SPATA31E1: variants seen among roughly 807,000 people sequenced by gnomAD.
SPATA31E1 encodes SPATA31 subfamily E member 1.
SPATA31E1 carries 7 observed loss-of-function variants against 12.9 expected under a neutral mutation model. The ratio of observed to expected loss-of-function variants is 0.54; its 90% CI spans 0.31 to 1.02. The LOEUF (loss-of-function observed/expected upper bound fraction) is 1.02, where lower values mean the gene tolerates loss of function less well. SPATA31E1 is among the 50% of genes least tolerant of loss of function. The pLI, the probability that SPATA31E1 is intolerant of heterozygous loss-of-function variation, is 0.05. For missense variants in SPATA31E1, 1,961 were observed against 1,799.8 expected (o/e 1.09, Z -1.62); for synonymous variants, 771 against 719.0 (o/e 1.07, Z -1.16).
Position 87,888,251 on chromosome 9 carries a change from G to A in SPATA31E1, c.3764G>A (p.Gly1255Glu), listed in dbSNP as rs1828324078. The part of the protein sequence containing the change: ...RKYNQLQLEK[G>E]QTPPESHFQR... ...TACAACCAGCTTCAGCTGGAGAAGG[G>A]ACAGACACCACCAGAAAGCCACTTC... is the stretch of plus-strand genomic sequence containing the variant. The change falls in exon 4 of 4, where the codon GGA (glycine) becomes GAA (glutamate). Residue 1255 changes from glycine to glutamate, a missense_variant. Coordinates refer to ENST00000325643, the MANE Select transcript of SPATA31E1 (RefSeq NM_178828.5). 4 of 1,614,092 alleles carry A rather than the reference G, an allele frequency of 2.5e-6. No homozygotes were observed. In the East Asian group the frequency reaches 8.9e-5, roughly 36 times the overall value.
In SPATA31E1 at chr9:87,886,714, T is replaced by A. The variant is rs1214541515; in HGVS notation, c.2227T>A (p.Ser743Thr). ...DKEAEGDLRR[S>T]WKYQSVSSTP... ...GGAGGCAGAAGGTGACTTACGGAGG[T>A]CCTGGAAGTACCAATCAGTAAGTTC... is the stretch of plus-strand genomic sequence containing the variant. The change falls in exon 4 of 4, where the codon TCC (serine) becomes ACC (threonine). Residue 743 changes from serine to threonine, a missense_variant. By Grantham distance (58) the Ser-to-Thr change is moderately conservative. Transcript: ENST00000325643. 1 of 1,613,494 alleles carries A rather than the reference T, an allele frequency of 6.2e-7. No individual in the cohort carries two copies. Among genetic ancestry groups the A allele is most frequent in the Non-Finnish European group, 8.5e-7 (1 of 1,179,934 alleles).
intron 3 of SPATA31E1, 63 bp downstream of exon 3, chr9:87,884,714 C>A (rs913856940): frequency 6.3e-7 from 1 of 1,595,568 alleles, no homozygotes; most frequent in Non-Finnish European, 8.6e-7. Context: ...TGCAACCCTA[C>A]GGCCTGGTGG....
In SPATA31E1 at chr9:87,883,146, C is replaced by G; in HGVS notation, c.255C>G (p.Tyr85Ter). 6.3e-7 allele frequency: 1 copy of G among 1,596,110 alleles called. No individual in the cohort carries two copies. Among genetic ancestry groups the G allele is most frequent in the Non-Finnish European group, 8.5e-7 (1 of 1,169,952 alleles). Residue 85 changes from tyrosine to a stop codon, truncating the protein, a stop_gained, in exon 1 of 4, where the codon TAC (tyrosine) becomes TAG (stop). Transcript: ENST00000325643. LOFTEE classifies it high-confidence loss of function. ...GLVLLFLLLL[Y>*]VHSDPPSPPP... ...TGCTCCTCTTCCTATTGCTCCTCTA[C>G]GTCCACAGTGACCCACCCTCACCCC...
intron 3 of SPATA31E1, 28 bp downstream of exon 3, chr9:87,884,679 T>TC: frequency 6.2e-7 from 1 of 1,613,302 alleles, no homozygotes; most frequent in Non-Finnish European, 8.5e-7. Flanking sequence ...TCTGTCCCTG[T>TC]CCTCCTTCCT....
At position 87,885,849 on chromosome 9, in the gene SPATA31E1, A is replaced by G; in HGVS notation, c.1362A>G (p.Thr454=). 1 of 1,613,916 alleles carries G rather than the reference A, an allele frequency of 6.2e-7. No individual in the cohort carries two copies. Residue 454 remains threonine (T), a synonymous_variant, in exon 4 of 4, where the codon ACA becomes ACG. Coordinates refer to ENST00000325643, the MANE Select transcript of SPATA31E1 (RefSeq NM_178828.5). ...PSLNSESLAT[T]VWVSRNPSSQ... ...TCAATAGCGAGTCCCTGGCGACCAC[A>G]GTCTGGGTTTCTAGGAACCCTTCCT...
At position 87,886,501 on chromosome 9, in the gene SPATA31E1, C is replaced by G. The variant is rs375265482; in HGVS notation, c.2014C>G (p.Gln672Glu). Residue 672 changes from glutamine (Q) to glutamate (E), a missense_variant, in exon 4 of 4, where the codon CAG (glutamine) becomes GAG (glutamate). Physicochemically the swap from Gln to Glu is conservative, Grantham distance 29. Transcript: ENST00000325643. ...GRPQSQAEDT[Q>E]QALLPSQPSD... Reference sequence around the variant, plus strand: ...GCCCCAGAGTCAGGCAGAAGACACGCAGCAGGCCCTCTTGCCCTCCCAGCC... The same window carrying G: ...GCCCCAGAGTCAGGCAGAAGACACGGAGCAGGCCCTCTTGCCCTCCCAGCC... 2.9e-5 allele frequency: 46 copies of G among 1,613,670 alleles called. No individual in the cohort carries two copies. In the African/African-American group the frequency reaches 5.5e-4, roughly 19 times the overall value.
Position 87,886,865 on chromosome 9 carries a change from A to G in SPATA31E1, c.2378A>G (p.Lys793Arg). 3 of 1,614,158 alleles carry G rather than the reference A, an allele frequency of 1.9e-6. No homozygotes were observed. The highest frequency in any genetic ancestry group is 2.5e-6 in the Non-Finnish European group (3 of 1,180,032). ...MPVRRSWLMA[K>R]CAVPKSDTHR... ...GTGCGTCGCTCCTGGCTCATGGCCA[A>G]ATGTGCTGTTCCCAAGTCTGACACC... Residue 793 changes from lysine to arginine, a missense_variant, in exon 4 of 4, where the codon AAA becomes AGA. By Grantham distance (26) the Lys-to-Arg change is conservative. Transcript: ENST00000325643.
rs145329488 is a variant in SPATA31E1 at position 87,887,425 on chromosome 9, G to A, written c.2938G>A (p.Gly980Arg). Residue 980 changes from glycine (G) to arginine (R), a missense_variant, in exon 4 of 4, where the codon GGG (glycine) becomes AGG (arginine). By Grantham distance (125) the Gly-to-Arg change is moderately radical. Transcript: ENST00000325643. ...GCAGAGCAGGACTGTCCTGGAATCC[G>A]GGAAACCCAAACCCAGACTAGAGGG... The part of the protein sequence containing the change: ...TWQSRTVLES[G>R]KPKPRLEGSM... 1.5e-4 allele frequency: 248 copies of A among 1,613,802 alleles called. No individual in the cohort carries two copies. In the African/African-American group the frequency reaches 2.6e-3, roughly 17 times the overall value.
intron 2 of SPATA31E1, 151 bp downstream of exon 2, chr9:87,884,197 G>C (rs996578535): frequency 8.4e-6 from 9 of 1,070,958 alleles, no homozygotes; most frequent in Non-Finnish European, 1.2e-5. Context: ...ATGAAGCCAC[G>C]GGCCTGGGAC....
At chr9:87,883,475 G>A (rs1034667985) in intron 1 of SPATA31E1, among the ~76,000 whole-genome samples, 5 of 152,164 alleles carry the variant, frequency 3.3e-5, no homozygotes, top group Non-Finnish European at 7.4e-5. Context: ...GGGAGGAGAG[G>A]CCCCAGCCCT....
chr9:87,886,459 G>A lies in SPATA31E1; in HGVS notation c.1972G>A (p.Gly658Arg), dbSNP rs1828276043. ...QASGDLLQPD[G>R]EFPGRPQSQA... The stretch of plus-strand genomic sequence containing the variant: ...ATCTGGGGACCTGCTACAGCCTGAT[G>A]GGGAATTCCCAGGGAGGCCCCAGAG... Residue 658 changes from glycine to arginine, a missense_variant, in exon 4 of 4, where the codon GGG becomes AGG. By Grantham distance (125) the Gly-to-Arg change is moderately radical. Transcript: ENST00000325643. 6.2e-7 allele frequency: 1 copy of A among 1,613,942 alleles called. No homozygotes were observed. Among genetic ancestry groups the A allele is most frequent in the African/African-American group, 1.3e-5 (1 of 75,016 alleles).
Position 87,885,066 on chromosome 9 carries a change from T to A in SPATA31E1, c.579T>A (p.Ala193=), listed in dbSNP as rs1828240680. 1 of 1,613,876 alleles carries A rather than the reference T, an allele frequency of 6.2e-7. No individual in the cohort carries two copies. Among genetic ancestry groups the A allele is most frequent in the Non-Finnish European group, 8.5e-7 (1 of 1,179,950 alleles). ...DPSPASLSPP[A]PPAPLASTLS... ...CTCCTGCCAGCTTGTCCCCACCAGC[T>A]CCCCCAGCTCCTCTGGCCTCCACCC... The change falls in exon 4 of 4, where the codon GCT becomes GCA. Residue 193 remains alanine, a synonymous_variant. Transcript: ENST00000325643.
chr9:87,886,762 G>A lies in SPATA31E1; in HGVS notation c.2275G>A (p.Glu759Lys). The A allele has an allele frequency of 1.2e-6, 2 of 1,613,996 alleles. No individual in the cohort carries two copies. The highest frequency in any genetic ancestry group is 8.5e-7 in the Non-Finnish European group (1 of 1,180,028). ...TTCCACACCCAGGGACCCAGACAAG[G>A]AGCATCTGGAAAACAAGCTGCAAAT... Reference protein sequence around the residue: ...VSSTPRDPDKEHLENKLQIHL... With the variant: ...VSSTPRDPDKKHLENKLQIHL... The change falls in exon 4 of 4, where the codon GAG becomes AAG. Residue 759 changes from glutamate to lysine, a missense_variant. By Grantham distance (56) the Glu-to-Lys change is moderately conservative. Coordinates refer to ENST00000325643, the MANE Select transcript of SPATA31E1 (RefSeq NM_178828.5).
rs756479213 is a variant in SPATA31E1 at position 87,884,511 on chromosome 9, C to T, written c.365-80C>T. ...CAGGGTCTAGTCCCCCATGGTGTCC[C>T]CTAAAAAGACATCCACTCAGCCTCC... is the stretch of plus-strand genomic sequence containing the variant. On this transcript the variant is annotated intron_variant, in intron 2 of 3. Transcript: ENST00000325643. 33 of 1,482,520 alleles carry T rather than the reference C, an allele frequency of 2.2e-5. No homozygotes were observed. The East Asian group carries it at 2.3e-4, about 10-fold the overall frequency. 91.8% of individuals were successfully genotyped at this position (1,482,520 alleles called of 1,614,324 possible).
chr9:87,886,223 G>A lies in SPATA31E1; in HGVS notation c.1736G>A (p.Arg579Lys), dbSNP rs144030515. The part of the protein sequence containing the change: ...WPLKKRPKWK[R>K]VLPSLLKKSQ... Reference sequence around the variant, plus strand: ...TTGAAGAAGCGACCAAAGTGGAAGAGGGTTTTGCCCTCTCTCCTCAAAAAG... The same window carrying A: ...TTGAAGAAGCGACCAAAGTGGAAGAAGGTTTTGCCCTCTCTCCTCAAAAAG... Residue 579 changes from arginine to lysine, a missense_variant, in exon 4 of 4, where the codon AGG (arginine) becomes AAG (lysine). Coordinates refer to ENST00000325643, the MANE Select transcript of SPATA31E1 (RefSeq NM_178828.5). 1.1e-5 allele frequency: 17 copies of A among 1,613,836 alleles called. No homozygotes were observed. In the South Asian group the frequency reaches 1.2e-4, roughly 11 times the overall value.
In SPATA31E1 at chr9:87,886,914, A is replaced by G. The variant is rs1828287912; in HGVS notation, c.2427A>G (p.Ala809=). The G allele has an allele frequency of 6.2e-7, 1 of 1,614,134 alleles. No individual in the cohort carries two copies. Among genetic ancestry groups the G allele is most frequent in the African/African-American group, 1.3e-5 (1 of 75,048 alleles). ...SDTHRKPGKL[A]SWRGGKAHVN... ...CCCACAGGAAACCTGGGAAGCTGGCATCCTGGAGGGGTGGGAAAGCCCACG... is the reference window on the plus strand; with the variant it reads ...CCCACAGGAAACCTGGGAAGCTGGCGTCCTGGAGGGGTGGGAAAGCCCACG... The change falls in exon 4 of 4, where the codon GCA becomes GCG. Residue 809 remains alanine (A), a synonymous_variant. Coordinates refer to ENST00000325643, the MANE Select transcript of SPATA31E1 (RefSeq NM_178828.5).
Position 87,886,509 on chromosome 9 carries a change from C to A in SPATA31E1, c.2022C>A (p.Ala674=), listed in dbSNP as rs1828276832. 3 of 1,613,676 alleles carry A rather than the reference C, an allele frequency of 1.9e-6. No individual in the cohort carries two copies. Among genetic ancestry groups the A allele is most frequent in the Non-Finnish European group, 1.7e-6 (2 of 1,179,872 alleles). Residue 674 remains alanine (A), a synonymous_variant, in exon 4 of 4, where the codon GCC becomes GCA. Coordinates refer to ENST00000325643, the MANE Select transcript of SPATA31E1 (RefSeq NM_178828.5). ...PQSQAEDTQQ[A]LLPSQPSDFA... is the part of the protein sequence containing the mutation. ...GTCAGGCAGAAGACACGCAGCAGGC[C>A]CTCTTGCCCTCCCAGCCTTCTGACT...
rs764750355 is a variant in SPATA31E1, at chr9:87,888,769, G to A, written c.4282G>A (p.Gly1428Ser). 1.1e-5 allele frequency: 18 copies of A among 1,612,912 alleles called. No individual in the cohort carries two copies. The East Asian group carries it at 1.3e-4, about 12-fold the overall frequency. ...HRPRMASTSGGPHPQLQELMS... is the reference protein window; with the variant it reads ...HRPRMASTSGSPHPQLQELMS... ...GCCAAGAATGGCAAGCACCTCGGGCGGCCCCCATCCACAGCTGCAGGAACT... is the reference window on the plus strand; with the variant it reads ...GCCAAGAATGGCAAGCACCTCGGGCAGCCCCCATCCACAGCTGCAGGAACT... Residue 1428 changes from glycine (G) to serine (S), a missense_variant, in exon 4 of 4, where the codon GGC (glycine) becomes AGC (serine). Transcript: ENST00000325643.
rs373770421 is a variant in SPATA31E1, at chr9:87,887,533, G to C, written c.3046G>C (p.Ala1016Pro). The C allele has an allele frequency of 1.6e-3, 2,572 of 1,614,082 alleles. 59 individuals carry two copies. In the South Asian group the frequency reaches 0.027, roughly 17 times the overall value. Reference sequence around the variant, plus strand: ...CCCAGGAGACCCCTGTAGTAGCAGAGCCCTGCAAGTGCTCAGCATAGGGTC... The same window carrying C: ...CCCAGGAGACCCCTGTAGTAGCAGACCCCTGCAAGTGCTCAGCATAGGGTC... ...MSPGDPCSSRALQVLSIGSQW... is the reference protein window; with the variant it reads ...MSPGDPCSSRPLQVLSIGSQW... Residue 1016 changes from alanine (A) to proline (P), a missense_variant, in exon 4 of 4, where the codon GCC (alanine) becomes CCC (proline). Transcript: ENST00000325643.
Sources: gnomAD v4.1 joint callset for allele counts (sites outside exome capture counted in the v4.1 genomes callset) on GRCh38, gnomAD v4.1.1 for gene constraint, MANE v1.5 for transcripts, NCBI Gene and HGNC (gene_info 2026-07-23, HGNC 2026-07-21) for gene names.